Variants in ICE1 observed in about 807,000 individuals in gnomAD.
The protein encoded by ICE1 is little elongation complex subunit 1.
A neutral mutation model predicts 192.7 loss-of-function variants in ICE1; 64 were observed. The ratio of observed to expected loss-of-function variants is 0.33; its 90% CI spans 0.27 to 0.41. The LOEUF (loss-of-function observed/expected upper bound fraction) is 0.41, where lower values mean the gene tolerates loss of function less well. ICE1 is among the 10% of genes least tolerant of loss of function. ICE1 has a pLI of 1.00. For missense variants in ICE1, 2,708 were observed against 2,696.0 expected (o/e 1.00, Z -0.10); for synonymous variants, 1,010 against 984.5 (o/e 1.03, Z -0.49).
intron 1 of ICE1, among the ~76,000 whole-genome samples, chr5:5,424,518 TA>T (rs968880757): frequency 1.3e-5 from 2 of 152,152 alleles, no homozygotes; most frequent in Non-Finnish European, 2.9e-5. Context: ...ATTATGGCAT[TA>T]GGGGAGAAAA....
intron 13 of ICE1, among the ~76,000 whole-genome samples, chr5:5,465,450 A>T (rs953355549): frequency 1.8e-4 from 27 of 152,334 alleles, no homozygotes; most frequent in Admixed American, 1.0e-3. Context: ...TAAATTACTT[A>T]AATTTTTTTA....
At chr5:5,440,058 A>G (rs1737992801) in intron 4 of ICE1, 145 bp downstream of exon 4, 3 of 469,670 alleles carry the variant, frequency 6.4e-6, no homozygotes, top group Non-Finnish European at 1.1e-5. Context: ...TTTGATGCTC[A>G]TAATAAAATA....
rs764585314 is a variant in ICE1 at position 5,473,754 on chromosome 5, T to C, written c.6413+6T>C. On this transcript the variant is annotated splice_donor_region_variant and intron_variant, in intron 16 of 18. Transcript: ENST00000296564. ...ACGCATGATAACATCATAAGGTTAG[T>C]TATTTTACTAATTTAAATAAAGATA... 9 of 1,549,574 alleles carry C rather than the reference T, an allele frequency of 5.8e-6. No homozygotes were observed. In the South Asian group the frequency reaches 8.6e-5, roughly 15 times the overall value.
intron 17 of ICE1, 93 bp downstream of exon 17, chr5:5,476,172 T>G (rs1170409395): frequency 3.1e-6 from 2 of 637,826 alleles, no homozygotes; most frequent in Non-Finnish European, 5.1e-6. Context: ...ATGCTGACTT[T>G]GAAAATTTCT....
At chr5:5,481,879 G>T (rs374731766) in intron 17 of ICE1, among the ~76,000 whole-genome samples, 1 of 152,160 alleles carries the variant, frequency 6.6e-6, no homozygotes, top group Non-Finnish European at 1.5e-5. Context: ...ACCCCATATA[G>T]CCTAGGTGTG....
Position 5,422,867 on chromosome 5 carries a change from G to A in ICE1, c.-49G>A, listed in dbSNP as rs1403039524. The A allele has an allele frequency of 2.4e-6, 3 of 1,253,268 alleles. No homozygotes were observed. The highest frequency in any genetic ancestry group is 3.0e-4 in the Middle Eastern group (1 of 3,304). 77.6% of individuals were successfully genotyped at this position (1,253,268 alleles called of 1,614,324 possible). ...TCAGCAGAGACAGGACGGGGCCGAC[G>A]CCGCGGGCCCCTGAGGCGTGCGTGC... is the stretch of plus-strand genomic sequence containing the variant. On this transcript the variant is annotated 5_prime_UTR_variant, in exon 1 of 19. Transcript: ENST00000296564.
chr5:5,466,583 C>G (rs1738992489), intron 14 of ICE1, 81 bp downstream of exon 14: 1 of 1,140,892 alleles, frequency 8.8e-7, no homozygotes, highest in Non-Finnish European at 1.2e-6. Flanking sequence ...ATTTTCAGCT[C>G]TGATTACTGT....
Position 5,447,516 on chromosome 5 carries a change from G to C in ICE1, c.507+7G>C, listed in dbSNP as rs757735811. 59 of 1,544,180 alleles carry C rather than the reference G, an allele frequency of 3.8e-5. No homozygotes were observed. Among genetic ancestry groups the C allele is most frequent in the Non-Finnish European group, 5.0e-5 (57 of 1,140,640 alleles). ...GGAATTTAAGAAGACACAGGTACTA[G>C]ATAAAAGCAGCATACACACACCTTA... On this transcript the variant is annotated splice_region_variant and intron_variant, in intron 8 of 18. Coordinates refer to ENST00000296564, the MANE Select transcript of ICE1 (RefSeq NM_015325.3).
rs949316580 is a variant in ICE1, at chr5:5,451,961, A to T, written c.605-2591A>T. Reference sequence around the variant, plus strand: ...AATTAAATCCACAAATTTAGAGTACAGACAAATTATGCTTGAAGATTTATC... The same window carrying T: ...AATTAAATCCACAAATTTAGAGTACTGACAAATTATGCTTGAAGATTTATC... On this transcript the variant is annotated intron_variant, in intron 10 of 18. Coordinates refer to ENST00000296564, the MANE Select transcript of ICE1 (RefSeq NM_015325.3). 4.6e-4 allele frequency among the ~76,000 whole-genome samples: 70 copies of T among 152,134 alleles called. 2 individuals are homozygous for T. The highest frequency in any genetic ancestry group is 1.4e-3 in the African/African-American group (60 of 41,454).
chr5:5,474,425 G>A (rs148006503), intron 16 of ICE1, among the ~76,000 whole-genome samples: 6 of 152,202 alleles, frequency 3.9e-5, no homozygotes, highest in African/African-American at 1.4e-4. Context: ...AGCACCTGGC[G>A]AATGTATGTT....
chr5:5,486,084 G>C (rs1017132684), intron 17 of ICE1, among the ~76,000 whole-genome samples: 2 of 152,218 alleles, frequency 1.3e-5, no homozygotes, highest in Admixed American at 6.5e-5. Flanking sequence ...GTATGGGGGA[G>C]TGCTTCCTGT....
chr5:5,423,434 A>G (rs1230156762), intron 1 of ICE1, among the ~76,000 whole-genome samples: 2 of 23,798 alleles, frequency 8.4e-5, no homozygotes, highest in Non-Finnish European at 1.4e-4. Context: ...CTTACGTGAC[A>G]TGTGGGTTGT....
chr5:5,433,188 T>G (rs1737772345), intron 1 of ICE1, among the ~76,000 whole-genome samples: 1 of 152,194 alleles, frequency 6.6e-6, no homozygotes, highest in African/African-American at 2.4e-5. Context: ...TTTGACATAG[T>G]ACACCTGCCC....
Position 5,460,443 on chromosome 5 carries a change from A to C in ICE1, c.1109A>C (p.Tyr370Ser). 1.3e-6 allele frequency: 2 copies of C among 1,560,284 alleles called. No homozygotes were observed. Among genetic ancestry groups the C allele is most frequent in the Non-Finnish European group, 1.7e-6 (2 of 1,150,680 alleles). ...SLPSSFAPET[Y>S]FGEYTDSSDN... ...TAATTCATATTTTTTAAGGAAACCT[A>C]CTTTGGAGAATACACAGATTCCAGC... is the stretch of plus-strand genomic sequence containing the variant. Residue 370 changes from tyrosine (Y) to serine (S), a missense_variant, in exon 13 of 19, where the codon TAC becomes TCC. Coordinates refer to ENST00000296564, the MANE Select transcript of ICE1 (RefSeq NM_015325.3).
chr5:5,435,678 G>T (rs5027081), intron 1 of ICE1, among the ~76,000 whole-genome samples: 41,099 of 114,846 alleles, frequency 0.36, 6,294 homozygotes, highest in East Asian at 0.47. Context: ...TTTTTGTTTT[G>T]TTTTTGTTTT....
intron 17 of ICE1, among the ~76,000 whole-genome samples, chr5:5,483,115 C>G (rs1435224768): frequency 6.6e-6 from 1 of 152,024 alleles, no homozygotes; most frequent in African/African-American, 2.4e-5. Context: ...CTCAGCCTCC[C>G]GAGTAGCTGG....
chr5:5,440,753 G>A (rs1224326353), intron 4 of ICE1, among the ~76,000 whole-genome samples: 1 of 151,954 alleles, frequency 6.6e-6, no homozygotes, highest in Non-Finnish European at 1.5e-5. Flanking sequence ...CAGGTGTGGT[G>A]GCACATACCT....
At chr5:5,428,094 G>A (rs1412661420) in intron 1 of ICE1, among the ~76,000 whole-genome samples, 5 of 152,046 alleles carry the variant, frequency 3.3e-5, no homozygotes, top group African/African-American at 4.8e-5. Flanking sequence ...AGTAGTTGAC[G>A]ATAGATGAAG....
chr5:5,444,395 T>G, intron 7 of ICE1, 69 bp downstream of exon 7: 1 of 1,025,290 alleles, frequency 9.8e-7, no homozygotes, highest in Non-Finnish European at 1.5e-6. Flanking sequence ...TATGAGGAGG[T>G]ACTTCTTGAT....
Sources: allele counts gnomAD v4.1 joint callset (sites outside exome capture counted in the v4.1 genomes callset), GRCh38; gene constraint gnomAD v4.1.1; transcripts MANE v1.5; gene names NCBI Gene and HGNC (gene_info 2026-07-23, HGNC 2026-07-21).